Variants in ADARB1 observed in about 807,000 individuals in gnomAD.
The protein encoded by ADARB1 is double-stranded RNA-specific editase 1.
Under a neutral mutation model 52.4 loss-of-function variants are expected in ADARB1, and 10 were observed. That is an observed-to-expected ratio of 0.19 (90% CI 0.12 to 0.32). ADARB1 has a LOEUF of 0.32. Among genes scored for constraint, ADARB1 ranks in the 10% least tolerant of loss-of-function variants. The pLI is 1.00. For missense variants in ADARB1, 643 were observed against 922.3 expected, an observed-to-expected ratio of 0.70 and a Z score of 3.92; for synonymous variants, 349 against 371.1, an observed-to-expected ratio of 0.94 and a Z score of 0.68.
At chr21:45,090,910 A>G (rs1360073957) in intron 1 of ADARB1, among the ~76,000 whole-genome samples, 1 of 143,910 alleles carries the variant, frequency 6.9e-6, no homozygotes, top group Admixed American at 6.7e-5. Context: ...TTATTGAAAA[A>G]TTGAGCATCT....
chr21:45,095,632 C>T lies in ADARB1; in HGVS notation c.-220+20839C>T, dbSNP rs149937620. 1.7e-3 allele frequency among the ~76,000 whole-genome samples: 256 copies of T among 152,230 alleles called. 1 individual carries two copies. The highest frequency in any genetic ancestry group is 6.0e-3 in the African/African-American group (248 of 41,522). ...TGTTTCAGGGTGCACGTTTCCTTCT[C>T]GGGCTTGGCTCCTTGGGTCATGTCT... On this transcript the variant is annotated intron_variant, in intron 1 of 10. Transcript: ENST00000348831.
intron 1 of ADARB1, among the ~76,000 whole-genome samples, chr21:45,122,880 G>A (rs758287119): frequency 2.0e-5 from 3 of 152,240 alleles, no homozygotes; most frequent in Admixed American, 6.5e-5. Context: ...TTGCCTTTTC[G>A]CATAATCTCA....
chr21:45,093,706 C>T, intron 1 of ADARB1, among the ~76,000 whole-genome samples: 1 of 152,164 alleles, frequency 6.6e-6, no homozygotes, highest in East Asian at 1.9e-4. Context: ...GACTGTGCTG[C>T]AGCCTCAGGA....
rs2093038354 is a variant in ADARB1, at chr21:45,224,955, T to A, written c.*2758T>A. 1.0e-6 allele frequency: 1 copy of A among 985,436 alleles called. No individual in the cohort carries two copies. The highest frequency in any genetic ancestry group is 1.7e-5 in the African/African-American group (1 of 57,192). 61.0% of individuals were successfully genotyped at this position (985,436 alleles called of 1,614,324 possible). ...CGTGTCACTCTCCATCCAGTGTCCT[T>A]GATGTGGCTTTTAGAGACTTAGCAG... On this transcript the variant is annotated 3_prime_UTR_variant, in exon 11 of 11. Transcript: ENST00000348831.
rs1051385 is a variant in ADARB1, at chr21:45,226,349, T to C, written c.*4152T>C. 0.097 allele frequency: 14,824 copies of C among 152,642 alleles called. 1,051 individuals carry two copies. Among genetic ancestry groups the C allele is most frequent in the African/African-American group, 0.2 (8,102 of 41,508 alleles). The allele number at this position is 152,642 out of a possible 1,614,324, so 9.5% of individuals were successfully genotyped here. ...ACATGCTTTTAATTTGATTTTAGAA[T>C]CTGGACACTTTCTATGAATGTAATT... On this transcript the variant is annotated 3_prime_UTR_variant, in exon 11 of 11. Coordinates refer to ENST00000348831, the MANE Select transcript of ADARB1 (RefSeq NM_001112.4).
chr21:45,092,172 C>T (rs2086585772), intron 1 of ADARB1, among the ~76,000 whole-genome samples: 1 of 152,128 alleles, frequency 6.6e-6, no homozygotes, highest in Non-Finnish European at 1.5e-5. Flanking sequence ...CACTTCGCTC[C>T]TGGGCCGTCG....
chr21:45,144,157 T>C (rs1276173415), intron 2 of ADARB1, among the ~76,000 whole-genome samples: 2 of 152,234 alleles, frequency 1.3e-5, no homozygotes, highest in Non-Finnish European at 2.9e-5. Flanking sequence ...CAATTTCCCA[T>C]GTGTTGATTT....
intron 8 of ADARB1, among the ~76,000 whole-genome samples, chr21:45,199,913 C>T (rs887236388): frequency 8.5e-5 from 13 of 152,150 alleles, no homozygotes; most frequent in African/African-American, 3.1e-4. Flanking sequence ...GCTCATGGAC[C>T]TGAACCCTTC....
intron 1 of ADARB1, among the ~76,000 whole-genome samples, chr21:45,086,056 G>A (rs1051850090): frequency 6.6e-6 from 1 of 152,168 alleles, no homozygotes; most frequent in African/African-American, 2.4e-5. Flanking sequence ...TTTGAGCTAC[G>A]GTGTAGAATG....
At chr21:45,206,560 CTTTTTTTTTTTTTTTT>C (rs71199660) in intron 9 of ADARB1, among the ~76,000 whole-genome samples, 4 of 54,918 alleles carry the variant, frequency 7.3e-5, no homozygotes, top group Admixed American at 2.8e-4. Flanking sequence ...CTTCTCTGGT[CTTTTTTTTTTTTTTTT>C]TTTTTTTTTT....
intron 2 of ADARB1, among the ~76,000 whole-genome samples, chr21:45,152,002 A>C (rs1358637158): frequency 6.6e-6 from 1 of 152,162 alleles, no homozygotes; most frequent in African/African-American, 2.4e-5. Context: ...CACGTGAGTT[A>C]AGAGAGGAGG....
chr21:45,127,555 A>G (rs1387756743), intron 1 of ADARB1, among the ~76,000 whole-genome samples: 1 of 152,068 alleles, frequency 6.6e-6, no homozygotes, highest in Non-Finnish European at 1.5e-5. Context: ...GTAGCCTCCA[A>G]TCTCCTCTGA....
At chr21:45,078,708 G>A (rs1374845532) in intron 1 of ADARB1, among the ~76,000 whole-genome samples, 1 of 152,220 alleles carries the variant, frequency 6.6e-6, no homozygotes, top group Non-Finnish European at 1.5e-5. Flanking sequence ...ACAGGCTGTG[G>A]TAAGGAATTT....
At position 45,118,338 on chromosome 21, in the gene ADARB1, T is replaced by C. The variant is rs1053120243; in HGVS notation, c.-219-10064T>C. 1.9e-4 allele frequency among the ~76,000 whole-genome samples: 29 copies of C among 152,072 alleles called. 1 individual carries two copies. Among genetic ancestry groups the C allele is most frequent in the Admixed American group, 6.6e-5 (1 of 15,244 alleles). On this transcript the variant is annotated intron_variant, in intron 1 of 10. Transcript: ENST00000348831. ...TCCACTTCCTTATAGAATGGATGGC[T>C]GACAGACTTCTTAATTCACTTCCTT...
chr21:45,170,721 G>T (rs925846275), intron 2 of ADARB1, among the ~76,000 whole-genome samples: 1 of 152,030 alleles, frequency 6.6e-6, no homozygotes, highest in Non-Finnish European at 1.5e-5. Context: ...ACAAAGTAAC[G>T]TGTGATTATA....
At chr21:45,101,428 C>G (rs573344215) in intron 1 of ADARB1, among the ~76,000 whole-genome samples, 1 of 152,344 alleles carries the variant, frequency 6.6e-6, no homozygotes, top group Non-Finnish European at 1.5e-5. Flanking sequence ...TCCCTTCTTT[C>G]GCGGCACGTG....
Position 45,224,988 on chromosome 21 carries a change from G to C in ADARB1, c.*2791G>C. 1 of 985,388 alleles carries C rather than the reference G, an allele frequency of 1.0e-6. No homozygotes were observed. Among genetic ancestry groups the C allele is most frequent in the Non-Finnish European group, 1.2e-6 (1 of 829,918 alleles). The allele number at this position is 985,388 out of a possible 1,614,324, so 61.0% of individuals were successfully genotyped here. A position where few individuals can be genotyped will look rare whatever the true frequency, so the allele number is the denominator to read the frequency against. On this transcript the variant is annotated 3_prime_UTR_variant, in exon 11 of 11. Coordinates refer to ENST00000348831, the MANE Select transcript of ADARB1 (RefSeq NM_001112.4). Reference sequence around the variant, plus strand: ...CTTTTAGAGACTTAGCAGAAAATTCGACACAAGCAGGAACTTGATTTTTTA... The same window carrying C: ...CTTTTAGAGACTTAGCAGAAAATTCCACACAAGCAGGAACTTGATTTTTTA...
chr21:45,184,827 G>A (rs1166986287), intron 7 of ADARB1, 96 bp from the exon 8 acceptor site: 19 of 1,309,586 alleles, frequency 1.5e-5, no homozygotes, highest in Non-Finnish European at 1.7e-5. Context: ...TGCACAGACT[G>A]TATTTTAAAT....
intron 3 of ADARB1, among the ~76,000 whole-genome samples, chr21:45,174,229 C>G (rs2091598052): frequency 6.6e-6 from 1 of 152,172 alleles, no homozygotes; most frequent in Admixed American, 6.5e-5. Flanking sequence ...TTAAAAAATA[C>G]AGATTTTTGA....
Sources: gnomAD v4.1 joint callset for allele counts (sites outside exome capture counted in the v4.1 genomes callset) on GRCh38, gnomAD v4.1.1 for gene constraint, MANE v1.5 for transcripts, NCBI Gene and HGNC (gene_info 2026-07-23, HGNC 2026-07-21) for gene names.